The following SPATS2 variants were observed in gnomAD, a reference collection of about 807,000 sequenced individuals.
SPATS2 encodes the protein spermatogenesis associated serine rich 2.
SPATS2 carries 38 observed loss-of-function variants against 63.7 expected under a neutral mutation model. The ratio of observed to expected loss-of-function variants is 0.60; its 90% CI spans 0.46 to 0.78. The LOEUF is 0.78. SPATS2 is among the 30% of genes least tolerant of loss of function. SPATS2 has a pLI of 0.00. For synonymous variants in SPATS2, 207 were observed against 232.9 expected, an observed-to-expected ratio of 0.89 and a Z score of 1.01; for missense variants, 588 against 666.2, an observed-to-expected ratio of 0.88 and a Z score of 1.29.
chr12:49,441,402 T>C (rs1184506480), intron 2 of SPATS2, among the ~76,000 whole-genome samples: 1 of 152,224 alleles, frequency 6.6e-6, no homozygotes, highest in African/African-American at 2.4e-5. Flanking sequence ...CTGCCCTCTT[T>C]CCTAAAAACA....
chr12:49,481,458 ATTTTTTTTTTTTTT>A (rs1013711085), intron 3 of SPATS2, among the ~76,000 whole-genome samples: 1 of 97,816 alleles, frequency 1.0e-5, no homozygotes, highest in South Asian at 3.5e-4. Flanking sequence ...AGGCTTCCTC[ATTTTTTTTTTTTTT>A]TTTTTTTTTT....
At chr12:49,411,883 A>G (rs981654830) in intron 2 of SPATS2, among the ~76,000 whole-genome samples, 2 of 152,152 alleles carry the variant, frequency 1.3e-5, no homozygotes, top group Admixed American at 6.5e-5. Flanking sequence ...TAGTTTCTCT[A>G]CAGAAGTTGG....
intron 2 of SPATS2, among the ~76,000 whole-genome samples, chr12:49,457,397 C>T (rs1015148704): frequency 3.9e-5 from 6 of 151,934 alleles, no homozygotes; most frequent in Non-Finnish European, 8.8e-5. Context: ...CCCACCCCTG[C>T]TCATCCACTA....
At chr12:49,403,203 A>G (rs955347775) in intron 2 of SPATS2, among the ~76,000 whole-genome samples, 1 of 152,222 alleles carries the variant, frequency 6.6e-6, no homozygotes, top group Non-Finnish European at 1.5e-5. Flanking sequence ...GAAGCTGCAG[A>G]GTGGACGTTC....
intron 2 of SPATS2, among the ~76,000 whole-genome samples, chr12:49,392,228 T>C (rs1414646249): frequency 6.6e-6 from 1 of 152,102 alleles, no homozygotes; most frequent in East Asian, 1.9e-4. Context: ...GTGACACTTT[T>C]CCATCCTATT....
Position 49,460,890 on chromosome 12 carries a change from A to AT in SPATS2, c.-117dup. ...AGAATTTCGAACAGCAGGATTTCGT[A>AT]TTTTTTGCTTCCAACTGCACACTTC... is the stretch of plus-strand genomic sequence containing the variant. On this transcript the variant is annotated 5_prime_UTR_variant, in exon 3 of 14. It introduces an in-frame stop codon into an upstream open reading frame of the 5' UTR. Coordinates refer to ENST00000552918, the MANE Select transcript of SPATS2 (RefSeq NM_023071.4). 9.8e-7 allele frequency: 1 copy of AT among 1,019,362 alleles called. No individual in the cohort carries two copies. Among genetic ancestry groups the AT allele is most frequent in the Non-Finnish European group, 1.5e-6 (1 of 682,584 alleles). 63.1% of individuals were successfully genotyped at this position (1,019,362 alleles called of 1,614,324 possible).
chr12:49,413,202 G>T (rs1014304595), intron 2 of SPATS2, among the ~76,000 whole-genome samples: 2 of 152,026 alleles, frequency 1.3e-5, no homozygotes, highest in Non-Finnish European at 2.9e-5. Context: ...GTCAGATGGT[G>T]ACTGAGCCTA....
At chr12:49,430,105 T>TTTG (rs1472313277) in intron 2 of SPATS2, among the ~76,000 whole-genome samples, 1 of 146,726 alleles carries the variant, frequency 6.8e-6, no homozygotes, top group African/African-American at 2.5e-5. Flanking sequence ...TCTTGTTTTT[T>TTTG]TTTTTTTTTT....
At chr12:49,408,559 T>TCTC (rs1944738457) in intron 2 of SPATS2, among the ~76,000 whole-genome samples, 1 of 145,090 alleles carries the variant, frequency 6.9e-6, no homozygotes, top group Non-Finnish European at 1.5e-5. Context: ...GGCCTTTTTT[T>TCTC]TTTTTTTTTT....
chr12:49,468,991 A>G (rs893508973), intron 3 of SPATS2, among the ~76,000 whole-genome samples: 4 of 152,124 alleles, frequency 2.6e-5, no homozygotes, highest in African/African-American at 9.7e-5. Flanking sequence ...AGTGGCTTAC[A>G]CCTGTAATCT....
chr12:49,445,934 G>A (rs558905212), intron 2 of SPATS2, among the ~76,000 whole-genome samples: 183 of 151,894 alleles, frequency 1.2e-3, no homozygotes, highest in Non-Finnish European at 1.9e-3. Flanking sequence ...AGACAGAGTC[G>A]CACTCTGTAG....
intron 9 of SPATS2, among the ~76,000 whole-genome samples, chr12:49,507,138 C>A (rs1371025169): frequency 1.3e-5 from 2 of 152,164 alleles, no homozygotes; most frequent in African/African-American, 4.8e-5. Context: ...GGTCCTAAAT[C>A]ACTATTATTC....
chr12:49,382,418 T>C (rs1209526854), intron 2 of SPATS2, among the ~76,000 whole-genome samples: 1 of 152,258 alleles, frequency 6.6e-6, no homozygotes, highest in African/African-American at 2.4e-5. Flanking sequence ...AAAGATATTT[T>C]GTGCTGATAC....
At chr12:49,500,852 A>C (rs775537309) in intron 9 of SPATS2, among the ~76,000 whole-genome samples, 5 of 152,180 alleles carry the variant, frequency 3.3e-5, no homozygotes, top group African/African-American at 2.4e-5. Context: ...TTTGAACAAA[A>C]TTATAAAGTA....
chr12:49,427,680 A>G (rs1945104730), intron 2 of SPATS2, among the ~76,000 whole-genome samples: 1 of 152,192 alleles, frequency 6.6e-6, no homozygotes, highest in South Asian at 2.1e-4. Context: ...TTTCTTTTAG[A>G]GTTACAGGAC....
At chr12:49,489,300 A>G (rs372773040) in intron 4 of SPATS2, among the ~76,000 whole-genome samples, 165 bp from the exon 5 acceptor site, 2 of 152,214 alleles carry the variant, frequency 1.3e-5, no homozygotes, top group South Asian at 2.1e-4. Flanking sequence ...TCACTCATCT[A>G]TTAATCATTC....
chr12:49,465,848 G>A (rs1252718052), intron 3 of SPATS2, among the ~76,000 whole-genome samples: 1 of 152,036 alleles, frequency 6.6e-6, no homozygotes, highest in Non-Finnish European at 1.5e-5. Flanking sequence ...GGAGGCTGAG[G>A]CAGGAGAATC....
chr12:49,436,621 T>C (rs1462284780), intron 2 of SPATS2, among the ~76,000 whole-genome samples: 4 of 114,802 alleles, frequency 3.5e-5, no homozygotes, highest in Non-Finnish European at 3.7e-5. Context: ...CCCCCCCACC[T>C]CCCTCCCGGA....
At chr12:49,487,246 G>A (rs1050712161) in intron 4 of SPATS2, among the ~76,000 whole-genome samples, 3 of 152,176 alleles carry the variant, frequency 2.0e-5, no homozygotes, top group Admixed American at 2.0e-4. Flanking sequence ...CAGCACTTTG[G>A]GAGGCCGAGG....
Sources: gnomAD v4.1 joint callset for allele counts (sites outside exome capture counted in the v4.1 genomes callset) on GRCh38, gnomAD v4.1.1 for gene constraint, MANE v1.5 for transcripts, NCBI Gene and HGNC (gene_info 2026-07-23, HGNC 2026-07-21) for gene names.